The following PYY variants were observed in gnomAD, a reference collection of about 807,000 sequenced individuals.
PYY encodes peptide YY, also known as peptide tyrosine tyrosine.
PYY carries 12 observed loss-of-function variants against 10.3 expected under a neutral mutation model. That is an observed-to-expected ratio of 1.17 (90% CI 0.75 to 1.89). PYY has a LOEUF of 1.89. PYY is among the 40% of genes most tolerant of loss of function. The pLI is 0.00. For missense variants in PYY, 141 were observed against 134.0 expected (o/e 1.05, Z -0.26); for synonymous variants, 66 against 62.0 (o/e 1.06, Z -0.30).
chr17:43,994,732 T>TCTCAACGCCG (rs1452383263), intron 1 of PYY, among the ~76,000 whole-genome samples: 1 of 152,130 alleles, frequency 6.6e-6, no homozygotes, highest in Non-Finnish European at 1.5e-5. Flanking sequence ...CCTTTGCCCC[T>TCTCAACGCCG]GATTCCCCCG....
chr17:43,953,216 G>C (rs777739438), intron 2 of PYY, 27 bp from the exon 3 acceptor site: 7 of 1,612,738 alleles, frequency 4.3e-6, no homozygotes, highest in Non-Finnish European at 5.9e-6. Flanking sequence ...GAAGAGCGTG[G>C]TCAGATCTGG....
upstream of PYY, among the ~76,000 whole-genome samples, chr17:43,957,664 T>C (rs1419249410): frequency 6.6e-6 from 1 of 150,650 alleles, no homozygotes; most frequent in African/African-American, 2.4e-5. Flanking sequence ...CTCAAATAAA[T>C]GAATAAATAC....
intron 1 of PYY, among the ~76,000 whole-genome samples, chr17:43,974,653 C>T (rs1217183881): frequency 6.6e-6 from 1 of 152,180 alleles, no homozygotes; most frequent in Non-Finnish European, 1.5e-5. Flanking sequence ...CATTTTCTTG[C>T]TATTGTTTGC....
At chr17:43,972,086 T>C (rs561460350) in intron 1 of PYY, among the ~76,000 whole-genome samples, 2 of 152,140 alleles carry the variant, frequency 1.3e-5, no homozygotes, top group African/African-American at 4.8e-5. Flanking sequence ...GACACCATTA[T>C]TGGGTCTAGG....
intron 1 of PYY, among the ~76,000 whole-genome samples, chr17:43,991,765 C>G (rs568388539): frequency 3.3e-5 from 5 of 150,512 alleles, no homozygotes; most frequent in African/African-American, 1.2e-4. Context: ...GAGGCTGCAG[C>G]GAGCTGTGAT....
At chr17:44,002,327 G>C (rs2049033981) in intron 1 of PYY, among the ~76,000 whole-genome samples, 1 of 152,204 alleles carries the variant, frequency 6.6e-6, no homozygotes, top group African/African-American at 2.4e-5. Context: ...CAAAAAGGCA[G>C]AGCCCCAGGT....
At chr17:43,989,575 C>A (rs1386581349) in intron 1 of PYY, among the ~76,000 whole-genome samples, 3 of 151,722 alleles carry the variant, frequency 2.0e-5, no homozygotes, top group Non-Finnish European at 4.4e-5. Flanking sequence ...TTTTGATTTG[C>A]ATTTCTCAAT....
intron 2 of PYY, among the ~76,000 whole-genome samples, chr17:43,959,898 A>G (rs1469434656): frequency 3.3e-5 from 5 of 152,224 alleles, no homozygotes; most frequent in African/African-American, 1.2e-4. Context: ...TGAAAGAGGT[A>G]TGGATTCAGG....
upstream of PYY, among the ~76,000 whole-genome samples, chr17:43,956,772 A>G (rs976898014): frequency 5.3e-5 from 8 of 152,090 alleles, no homozygotes; most frequent in Non-Finnish European, 1.2e-4. Context: ...CCCATCACCC[A>G]CCTGCCTGTA....
intron 1 of PYY, among the ~76,000 whole-genome samples, chr17:43,968,615 C>G (rs9912691): frequency 0.013 from 2,044 of 152,250 alleles, 46 homozygotes; most frequent in African/African-American, 0.047. Flanking sequence ...AGTTCGAGAG[C>G]AGCCTGGCCA....
rs1191793658 is a variant in PYY at position 43,987,113 on chromosome 17, G to GT, written c.-463+17277dup. 6.6e-6 allele frequency among the ~76,000 whole-genome samples: 1 copy of GT among 152,084 alleles called. No homozygotes were observed. Among genetic ancestry groups the GT allele is most frequent in the East Asian group, 1.9e-4 (1 of 5,190 alleles). Reference sequence around the variant, plus strand: ...CCCTGTGTCCACCCCTCCTCTGGTGGTCAGCACAGACATGGTGACCGTGGC... The same window carrying GT: ...CCCTGTGTCCACCCCTCCTCTGGTGGTTCAGCACAGACATGGTGACCGTGGC... On this transcript the variant is annotated intron_variant, in intron 1 of 6. Transcript: ENST00000360085. This position sits in a 1 kb window ranked among gnomAD's most constrained non-coding sequence, Gnocchi z 4.0.
At chr17:43,966,057 C>T (rs1282953224) in intron 2 of PYY, among the ~76,000 whole-genome samples, 1 of 152,084 alleles carries the variant, frequency 6.6e-6, no homozygotes, top group Non-Finnish European at 1.5e-5. Flanking sequence ...CCACATAGTC[C>T]ACTGTTTCTA....
At chr17:43,960,284 TG>T (rs1209586295) in intron 2 of PYY, among the ~76,000 whole-genome samples, 1 of 152,168 alleles carries the variant, frequency 6.6e-6, no homozygotes, top group African/African-American at 2.4e-5. Context: ...AGCTCACACC[TG>T]TAATCCCAGC....
intron 1 of PYY, among the ~76,000 whole-genome samples, chr17:43,986,181 C>T (rs2048914827): frequency 6.6e-6 from 1 of 152,158 alleles, no homozygotes; most frequent in Non-Finnish European, 1.5e-5. Flanking sequence ...ATTGCTTAAA[C>T]CCGGGAGGCG....
chr17:43,955,773 G>C (rs1176295428), upstream of PYY, among the ~76,000 whole-genome samples: 5 of 152,098 alleles, frequency 3.3e-5, no homozygotes, highest in Non-Finnish European at 5.9e-5. Context: ...AGGGGAGACA[G>C]CAGAAATCAA....
At chr17:43,955,747 C>T (rs1268915785), upstream of PYY, among the ~76,000 whole-genome samples, 1 of 152,142 alleles carries the variant, frequency 6.6e-6, no homozygotes, top group African/African-American at 2.4e-5. Context: ...ACAGAGACAG[C>T]CTTTGTCCTG....
At chr17:43,995,729 G>A (rs2143962881) in intron 1 of PYY, among the ~76,000 whole-genome samples, 1 of 151,198 alleles carries the variant, frequency 6.6e-6, no homozygotes, top group East Asian at 2.0e-4. Context: ...AGCTACTTGG[G>A]AGGCTGAGGC....
intron 1 of PYY, among the ~76,000 whole-genome samples, chr17:43,997,428 G>A (rs2048998688): frequency 6.6e-6 from 1 of 152,182 alleles, no homozygotes; most frequent in Non-Finnish European, 1.5e-5. Context: ...GTCCCAAGTA[G>A]AGGACACAGC....
intron 2 of PYY, among the ~76,000 whole-genome samples, chr17:43,963,170 T>C (rs760719061): frequency 1.3e-5 from 2 of 152,152 alleles, no homozygotes; most frequent in African/African-American, 2.4e-5. Context: ...AAATTAGCAA[T>C]GTAAAAGTAT....
Sources: gnomAD v4.1 joint callset for allele counts (sites outside exome capture counted in the v4.1 genomes callset) on GRCh38, gnomAD v4.1.1 for gene constraint, Gnocchi (gnomAD v3.1) non-coding constraint, MANE v1.5 for transcripts, NCBI Gene and HGNC (gene_info 2026-07-23, HGNC 2026-07-21) for gene names.